DIAPH2: variants seen among roughly 807,000 people sequenced by gnomAD.
The protein encoded by DIAPH2 is diaphanous related formin 2.
In DIAPH2, 35 loss-of-function variants were observed where a neutral mutation model predicts 92.7. That is an observed-to-expected ratio of 0.38 (90% confidence interval 0.29 to 0.50). DIAPH2 has a LOEUF of 0.50. DIAPH2 is among the 20% of genes least tolerant of loss of function. DIAPH2 has a pLI of 0.94. For missense variants in DIAPH2, 701 were observed against 819.5 expected, an observed-to-expected ratio of 0.86 and a Z score of 1.77; for synonymous variants, 301 against 280.4, an observed-to-expected ratio of 1.07 and a Z score of -0.73.
At chrX:97,509,598 G>A (rs1345261381) in intron 26 of DIAPH2, among the ~76,000 whole-genome samples, 1 of 101,961 alleles carries the variant, frequency 9.8e-6, no homozygotes, top group Non-Finnish European at 2.0e-5. Context: ...ATGCTGGTGT[G>A]CTGCACCCAT....
At chrX:96,775,238 C>T (rs934740005) in intron 4 of DIAPH2, among the ~76,000 whole-genome samples, 1 of 110,352 alleles carries the variant, frequency 9.1e-6, no homozygotes, top group Non-Finnish European at 1.9e-5. Context: ...CCATATAATA[C>T]TGCCTTCTTT....
At chrX:97,254,492 CAAAAAAAAAAA>C (rs1172020847) in intron 23 of DIAPH2, among the ~76,000 whole-genome samples, 1 of 29,060 alleles carries the variant, frequency 3.4e-5, no homozygotes, top group African/African-American at 1.1e-4. Context: ...AACTCTGTCT[CAAAAAAAAAAA>C]AAAAAAAAAA....
chrX:97,238,283 A>T (rs1360116220), intron 22 of DIAPH2, among the ~76,000 whole-genome samples: 2 of 112,232 alleles, frequency 1.8e-5, no homozygotes, highest in Non-Finnish European at 3.8e-5. Flanking sequence ...TCAGGCTGAG[A>T]ACTTGTGCAA....
chrX:97,227,456 C>T (rs926011711), intron 22 of DIAPH2, among the ~76,000 whole-genome samples: 1 of 111,942 alleles, frequency 8.9e-6, no homozygotes, highest in Non-Finnish European at 1.9e-5. Context: ...TATATTTACT[C>T]CTACTTTGTG....
chrX:96,755,670 A>G (rs953168320), intron 3 of DIAPH2, among the ~76,000 whole-genome samples: 4 of 110,223 alleles, frequency 3.6e-5, no homozygotes, highest in African/African-American at 1.3e-4. Flanking sequence ...AAAATAAAAT[A>G]AAATAACATT....
chrX:97,255,637 A>G (rs2068230474), intron 23 of DIAPH2, among the ~76,000 whole-genome samples: 1 of 112,259 alleles, frequency 8.9e-6, no homozygotes, highest in African/African-American at 3.2e-5. Context: ...GCCAGTAAAC[A>G]GAACATTAGC....
At chrX:96,786,524 C>A (rs757168671) in intron 4 of DIAPH2, among the ~76,000 whole-genome samples, 2 of 112,201 alleles carry the variant, frequency 1.8e-5, no homozygotes, top group African/African-American at 6.5e-5. Flanking sequence ...AGATCAGCTT[C>A]TGTTTGTGTA....
At chrX:97,317,227 G>C (rs774731911) in intron 23 of DIAPH2, among the ~76,000 whole-genome samples, 2 of 111,461 alleles carry the variant, frequency 1.8e-5, no homozygotes, top group African/African-American at 6.5e-5. Flanking sequence ...TGCAAAGTAA[G>C]TCCTTCAGTC....
intron 22 of DIAPH2, among the ~76,000 whole-genome samples, chrX:97,159,697 C>G (rs2067352059): frequency 8.9e-6 from 1 of 111,856 alleles, no homozygotes; most frequent in Non-Finnish European, 1.9e-5. Flanking sequence ...AAATCGGTTT[C>G]TTTTGAATTA....
chrX:96,916,823 T>C (rs777833832), intron 8 of DIAPH2, among the ~76,000 whole-genome samples: 30 of 111,479 alleles, frequency 2.7e-4, no homozygotes, highest in African/African-American at 9.4e-4. Context: ...TTGAGCAGAA[T>C]TTTGTTTTGC....
chrX:97,120,831 A>T (rs1384569424), intron 21 of DIAPH2, among the ~76,000 whole-genome samples: 1 of 110,143 alleles, frequency 9.1e-6, no homozygotes, highest in Non-Finnish European at 1.9e-5. Context: ...CAAAGGAAAC[A>T]TCCATCTCCA....
intron 10 of DIAPH2, among the ~76,000 whole-genome samples, chrX:96,934,269 G>T (rs777248748): frequency 5.4e-4 from 60 of 111,630 alleles, no homozygotes; most frequent in African/African-American, 1.9e-3. Context: ...CTTTACATAT[G>T]CAGTGAAGCT....
At chrX:96,809,047 A>G (rs1345700568) in intron 4 of DIAPH2, among the ~76,000 whole-genome samples, 2 of 111,643 alleles carry the variant, frequency 1.8e-5, no homozygotes, top group Non-Finnish European at 3.8e-5. Flanking sequence ...AAATTATTAA[A>G]CTTTTTAAAC....
intron 4 of DIAPH2, among the ~76,000 whole-genome samples, chrX:96,761,579 T>G (rs1339961080): frequency 9.0e-6 from 1 of 111,539 alleles, no homozygotes; most frequent in Non-Finnish European, 1.9e-5. Flanking sequence ...GGCCAAAATA[T>G]TTTCTCTTAG....
intron 23 of DIAPH2, among the ~76,000 whole-genome samples, chrX:97,299,204 A>G (rs2068673419): frequency 1.8e-5 from 2 of 112,070 alleles, no homozygotes; most frequent in African/African-American, 6.5e-5. Context: ...ACAGCATAGT[A>G]TAAAGCACAT....
chrX:97,525,345 C>A (rs887006408), intron 26 of DIAPH2, among the ~76,000 whole-genome samples: 2 of 112,239 alleles, frequency 1.8e-5, no homozygotes, highest in Non-Finnish European at 3.8e-5. Flanking sequence ...GGACTGCCCT[C>A]CCTTGTTCTT....
intron 22 of DIAPH2, among the ~76,000 whole-genome samples, chrX:97,232,658 CCT>C (rs200583740): frequency 0.011 from 1,197 of 111,658 alleles, 14 homozygotes; most frequent in African/African-American, 0.037. Context: ...CCGTCCACAC[CCT>C]GATATTCCTG....
rs182562533 is a variant in DIAPH2, at chrX:97,254,894, C to T, written c.2844+7055C>T. Reference sequence around the variant, plus strand: ...TTTGTATTTGTATTTTTAGTAGAGACGGGGTTTCACCATATTGGCCAGGCT... The same window carrying T: ...TTTGTATTTGTATTTTTAGTAGAGATGGGGTTTCACCATATTGGCCAGGCT... On this transcript the variant is annotated intron_variant, in intron 23 of 26. Transcript: ENST00000324765. 1.9e-3 allele frequency among the ~76,000 whole-genome samples: 203 copies of T among 109,384 alleles called. 1 individual carries two copies. The highest frequency in any genetic ancestry group is 6.5e-3 in the African/African-American group (195 of 30,097). 95.0% of individuals were successfully genotyped at this position (109,384 alleles called of 115,157 possible).
intron 3 of DIAPH2, among the ~76,000 whole-genome samples, chrX:96,743,109 A>T (rs1167373781): frequency 8.9e-6 from 1 of 112,247 alleles, no homozygotes; most frequent in Non-Finnish European, 1.9e-5. Context: ...TTAAAAAAGG[A>T]TTTGCTTGTT....
Sources: gnomAD v4.1 joint callset for allele counts (sites outside exome capture counted in the v4.1 genomes callset) on GRCh38, gnomAD v4.1.1 for gene constraint, MANE v1.5 for transcripts, NCBI Gene and HGNC (gene_info 2026-07-23, HGNC 2026-07-21) for gene names.